Variants in NCAM1 observed in about 807,000 individuals in gnomAD.
The protein encoded by NCAM1 is neural cell adhesion molecule 1.
In NCAM1, 14 loss-of-function variants were observed where a neutral mutation model predicts 109.8. The ratio of observed to expected loss-of-function variants is 0.13; its 90% CI spans 0.08 to 0.20. The LOEUF (loss-of-function observed/expected upper bound fraction) is 0.20. NCAM1 is among the 10% of genes least tolerant of loss of function. The probability of loss-of-function intolerance (pLI) is 1.00; values close to 1 mark genes in which losing one functional copy is unlikely to be tolerated. For synonymous variants in NCAM1, 418 were observed against 442.9 expected, an observed-to-expected ratio of 0.94 and a Z score of 0.70; for missense variants, 774 against 1,109.9, an observed-to-expected ratio of 0.70 and a Z score of 4.30.
chr11:113,010,485 C>T (rs1952018892), intron 1 of NCAM1, among the ~76,000 whole-genome samples: 1 of 152,134 alleles, frequency 6.6e-6, no homozygotes, highest in Non-Finnish European at 1.5e-5. Flanking sequence ...AATAAAACCA[C>T]CTCACCTGTT....
intron 1 of NCAM1, among the ~76,000 whole-genome samples, chr11:113,023,961 C>G (rs1232654800): frequency 6.6e-6 from 1 of 151,926 alleles, no homozygotes. Context: ...AGGTTTGCAA[C>G]GACTTCTTGG....
intron 1 of NCAM1, among the ~76,000 whole-genome samples, chr11:113,021,855 C>G (rs1952394935): frequency 6.6e-6 from 1 of 152,126 alleles, no homozygotes; most frequent in African/African-American, 2.4e-5. Context: ...TTTGCTAAAC[C>G]CCTAAAATAG....
chr11:113,267,738 C>T (rs921174409), intron 17 of NCAM1, among the ~76,000 whole-genome samples: 2 of 152,154 alleles, frequency 1.3e-5, no homozygotes, highest in African/African-American at 4.8e-5. Context: ...AGTTCAGAAG[C>T]CTTTTCCCTG....
chr11:113,162,972 C>T lies in NCAM1; in HGVS notation c.53-39407C>T, dbSNP rs537752113. Among the ~76,000 whole-genome samples the T allele has an allele frequency of 1.9e-4, 29 of 152,288 alleles. 1 individual carries two copies. In the South Asian group the frequency reaches 2.5e-3, roughly 13 times the overall value. ...CACCTGGACTCTTAACAATTACTAA[C>T]GCCCTCTCCATCCCTTCACACTCAA... On this transcript the variant is annotated intron_variant, in intron 1 of 19. Coordinates refer to ENST00000316851, the MANE Select transcript of NCAM1 (RefSeq NM_181351.5).
intron 1 of NCAM1, among the ~76,000 whole-genome samples, chr11:113,118,613 CAAT>C (rs1254504736): frequency 6.6e-6 from 1 of 151,928 alleles, no homozygotes; most frequent in Non-Finnish European, 1.5e-5. Context: ...TGTCATGAAA[CAAT>C]GAATTCCCCA....
chr11:113,116,558 C>T (rs2135994850), intron 1 of NCAM1, among the ~76,000 whole-genome samples: 1 of 152,322 alleles, frequency 6.6e-6, no homozygotes, highest in Non-Finnish European at 1.5e-5. Flanking sequence ...ATCATTTTAG[C>T]TTTGGAGTTA....
At chr11:112,965,071 A>G (rs1476904181) in intron 1 of NCAM1, among the ~76,000 whole-genome samples, 2 of 118,440 alleles carry the variant, frequency 1.7e-5, no homozygotes, top group Non-Finnish European at 3.5e-5. Context: ...ACCTTTATCT[A>G]GGATTTTTTT....
chr11:113,258,198 C>T (rs555218283), intron 16 of NCAM1, among the ~76,000 whole-genome samples: 12 of 152,356 alleles, frequency 7.9e-5, no homozygotes, highest in African/African-American at 2.9e-4. Flanking sequence ...TATCCCAGGG[C>T]ACCTGCCTTG....
intron 7 of NCAM1, among the ~76,000 whole-genome samples, chr11:113,209,388 C>A (rs1944328340): frequency 6.6e-6 from 1 of 152,230 alleles, no homozygotes; most frequent in African/African-American, 2.4e-5. Context: ...AGAGAGAAAG[C>A]TAAACTTCAT....
At chr11:113,263,038 C>T in intron 17 of NCAM1, 1 of 1,501,654 alleles carries the variant, frequency 6.7e-7, no homozygotes, top group Non-Finnish European at 8.9e-7. Flanking sequence ...GCTGAGCAAC[C>T]ATTCTGTGTG....
At position 113,118,525 on chromosome 11, in the gene NCAM1, G is replaced by A. The variant is rs563187165; in HGVS notation, c.53-83854G>A. On this transcript the variant is annotated intron_variant, in intron 1 of 19. Coordinates refer to ENST00000316851, the MANE Select transcript of NCAM1 (RefSeq NM_181351.5). ...GAAAAGGGGAGCCTGGACCATTGCA[G>A]GGCCTTCTTCATCTCTGATTATTTT... Among the ~76,000 whole-genome samples the A allele has an allele frequency of 3.3e-5, 5 of 152,066 alleles. No homozygotes were observed. The East Asian group carries it at 9.6e-4, about 29-fold the overall frequency.
At chr11:113,216,295 G>A (rs1374237187) in intron 8 of NCAM1, among the ~76,000 whole-genome samples, 10 of 151,892 alleles carry the variant, frequency 6.6e-5, no homozygotes, top group South Asian at 6.3e-4. Flanking sequence ...GACTACAGGC[G>A]CCCGCCACCT....
chr11:113,205,413 T>C (rs993674317), intron 3 of NCAM1, 110 bp from the exon 4 acceptor site: 1 of 1,392,538 alleles, frequency 7.2e-7, no homozygotes, highest in Non-Finnish European at 9.6e-7. Flanking sequence ...CAACTGTACA[T>C]CAGGATCGAG....
At chr11:113,112,752 A>AT (rs1299938055) in intron 1 of NCAM1, among the ~76,000 whole-genome samples, 2 of 151,918 alleles carry the variant, frequency 1.3e-5, no homozygotes, top group African/African-American at 2.4e-5. Context: ...TTCTATGTGG[A>AT]TTTTTTTTAA....
At chr11:113,148,939 C>A (rs1942121892) in intron 1 of NCAM1, among the ~76,000 whole-genome samples, 1 of 152,144 alleles carries the variant, frequency 6.6e-6, no homozygotes, top group Non-Finnish European at 1.5e-5. Context: ...GAGTGACTGT[C>A]TCACCTCCTC....
At chr11:113,018,870 T>G (rs1555075764) in intron 1 of NCAM1, among the ~76,000 whole-genome samples, 1 of 152,194 alleles carries the variant, frequency 6.6e-6, no homozygotes, top group Non-Finnish European at 1.5e-5. Context: ...GAATTTTCAT[T>G]ACAAAAATTA....
intron 15 of NCAM1, among the ~76,000 whole-genome samples, chr11:113,254,648 A>G (rs373333555): frequency 2.6e-5 from 4 of 152,072 alleles, no homozygotes; most frequent in African/African-American, 7.2e-5. Context: ...TAAATGGCCA[A>G]TGGTGTAGTT....
At chr11:113,260,600 A>G (rs1342461169) in intron 17 of NCAM1, among the ~76,000 whole-genome samples, 2 of 152,128 alleles carry the variant, frequency 1.3e-5, no homozygotes, top group African/African-American at 4.8e-5. Flanking sequence ...GACCCCTCAG[A>G]TGGGAAATGC....
intron 11 of NCAM1, 85 bp from the exon 12 acceptor site, chr11:113,232,633 T>C (rs1270635495): frequency 8.7e-7 from 1 of 1,151,134 alleles, no homozygotes; most frequent in Non-Finnish European, 1.3e-6. Context: ...TTCTGTTTTT[T>C]ACTAACTTAA....
Sources: gnomAD v4.1 joint callset for allele counts (sites outside exome capture counted in the v4.1 genomes callset) on GRCh38, gnomAD v4.1.1 for gene constraint, MANE v1.5 for transcripts, NCBI Gene and HGNC (gene_info 2026-07-23, HGNC 2026-07-21) for gene names.